CSMD3: variants seen among roughly 807,000 people sequenced by gnomAD.
CSMD3 encodes CUB and sushi domain-containing protein 3.
CSMD3 carries 177 observed loss-of-function variants against 435.2 expected under a neutral mutation model. The ratio of observed to expected loss-of-function variants is 0.41; its 90% CI spans 0.36 to 0.46. The LOEUF is 0.46. Ranked by LOEUF, CSMD3 falls within the 20% of genes least tolerant of loss-of-function variation. CSMD3 has a pLI of 0.34. For missense variants in CSMD3, 4,265 were observed against 4,504.6 expected (o/e 0.95, Z 1.52); for synonymous variants, 1,656 against 1,520.5 (o/e 1.09, Z -2.07).
Position 112,313,958 on chromosome 8 carries a change from C to T in CSMD3, c.7644G>A (p.Gln2548=), listed in dbSNP as rs1445108279. 1 of 1,612,158 alleles carries T rather than the reference C, an allele frequency of 6.2e-7. No individual in the cohort carries two copies. Among genetic ancestry groups the T allele is most frequent in the South Asian group, 1.1e-5 (1 of 91,056 alleles). The part of the protein sequence containing the change: ...ITSNGHEVFL[Q]WSADHGNNKK... ...TGTTATTGCCATGATCTGCTGACCA[C>T]TGAAGAAATACTTCATGACCATTGC... The change falls in exon 49 of 71, where the codon CAG becomes CAA. Residue 2548 remains glutamine (Q), a synonymous_variant. Coordinates refer to ENST00000297405, the MANE Select transcript of CSMD3 (RefSeq NM_198123.2).
chr8:112,494,563 CTTT>C (rs1563615777), intron 30 of CSMD3, among the ~76,000 whole-genome samples: 3 of 91,546 alleles, frequency 3.3e-5, no homozygotes, highest in Admixed American at 1.1e-4. Flanking sequence ...TTCTTTCTTT[CTTT>C]CTTTCTTTTC....
chr8:113,261,556 T>C (rs2093427413), intron 3 of CSMD3, among the ~76,000 whole-genome samples: 1 of 152,090 alleles, frequency 6.6e-6, no homozygotes, highest in Non-Finnish European at 1.5e-5. Context: ...GGAAGAGCTT[T>C]GCGTGTGTGG....
At chr8:113,312,665 G>T (rs1319948562) in intron 2 of CSMD3, 1 of 152,058 alleles carries the variant, frequency 6.6e-6, no homozygotes. Flanking sequence ...AATATTGAAA[G>T]AAGTATTTTT....
chr8:112,836,327 G>A (rs1458085607), intron 11 of CSMD3, among the ~76,000 whole-genome samples: 1 of 151,732 alleles, frequency 6.6e-6, no homozygotes, highest in Non-Finnish European at 1.5e-5. Context: ...GCCACCTTCC[G>A]TATTTACCCT....
chr8:112,765,532 T>C (rs2077956734), intron 13 of CSMD3, among the ~76,000 whole-genome samples: 1 of 151,640 alleles, frequency 6.6e-6, no homozygotes, highest in Non-Finnish European at 1.5e-5. Context: ...CAGGAGGTGA[T>C]TACATCGTTT....
At chr8:112,272,120 G>A (rs958398761) in intron 59 of CSMD3, among the ~76,000 whole-genome samples, 1 of 152,164 alleles carries the variant, frequency 6.6e-6, no homozygotes, top group African/African-American at 2.4e-5. Context: ...CCAGACACAG[G>A]ATCTGCTAGC....
chr8:113,259,154 G>A (rs1458000333), intron 3 of CSMD3, among the ~76,000 whole-genome samples: 1 of 152,010 alleles, frequency 6.6e-6, no homozygotes, highest in East Asian at 1.9e-4. Context: ...TGTGCCTTTG[G>A]CCATATAGCC....
At chr8:112,685,830 T>C in intron 14 of CSMD3, 98 bp from the exon 15 acceptor site, 1 of 770,020 alleles carries the variant, frequency 1.3e-6, no homozygotes, top group Admixed American at 2.3e-5. Context: ...CAATTAGCAG[T>C]ATAAGATAAT....
chr8:112,954,839 G>C (rs560715731), intron 7 of CSMD3, 78 bp from the exon 8 acceptor site: 1 of 885,698 alleles, frequency 1.1e-6, no homozygotes, highest in South Asian at 1.4e-5. Context: ...AATTTTGTTA[G>C]CATGGACTTA....
intron 10 of CSMD3, among the ~76,000 whole-genome samples, chr8:112,917,499 A>G (rs2082608077): frequency 6.6e-6 from 1 of 151,810 alleles, no homozygotes; most frequent in South Asian, 2.1e-4. Context: ...AACTTTTGGT[A>G]CAAGTTAAAA....
At chr8:112,364,332 G>A (rs1232802114) in intron 38 of CSMD3, among the ~76,000 whole-genome samples, 3 of 151,936 alleles carry the variant, frequency 2.0e-5, no homozygotes, top group Non-Finnish European at 4.4e-5. Flanking sequence ...TGTAGGGGAA[G>A]AGAAAATCTA....
chr8:113,042,295 CA>C (rs1179775522), intron 5 of CSMD3, among the ~76,000 whole-genome samples: 1 of 152,080 alleles, frequency 6.6e-6, no homozygotes, highest in Non-Finnish European at 1.5e-5. Context: ...AGTAGAATCA[CA>C]AATTAATTAG....
At chr8:113,129,258 T>C (rs1454310498) in intron 4 of CSMD3, among the ~76,000 whole-genome samples, 5 of 152,140 alleles carry the variant, frequency 3.3e-5, no homozygotes, top group Admixed American at 3.3e-4. Context: ...TTGGGGGATA[T>C]TCCCACCATT....
chr8:113,032,728 T>C (rs1348472537), intron 5 of CSMD3, among the ~76,000 whole-genome samples: 2 of 151,464 alleles, frequency 1.3e-5, no homozygotes, highest in Non-Finnish European at 3.0e-5. Context: ...GCATAAGTAA[T>C]GAGGAGCTGA....
chr8:112,286,334 T>C (rs1819197455), intron 58 of CSMD3, among the ~76,000 whole-genome samples: 1 of 152,092 alleles, frequency 6.6e-6, no homozygotes, highest in Non-Finnish European at 1.5e-5. Flanking sequence ...AAATAATATA[T>C]GGAAAATTCC....
chr8:113,314,870 G>C, intron 1 of CSMD3, 77 bp from the exon 2 acceptor site: 1 of 1,029,444 alleles, frequency 9.7e-7, no homozygotes. Context: ...TATTTTGAAA[G>C]TCTATTGCAT....
At chr8:112,832,682 A>T (rs1351554040) in intron 11 of CSMD3, among the ~76,000 whole-genome samples, 1 of 152,098 alleles carries the variant, frequency 6.6e-6, no homozygotes, top group South Asian at 2.1e-4. Flanking sequence ...TTCAAATGAG[A>T]TCACATCCCA....
At chr8:112,326,249 T>A (rs1354333896) in intron 45 of CSMD3, among the ~76,000 whole-genome samples, 1 of 152,186 alleles carries the variant, frequency 6.6e-6, no homozygotes, top group African/African-American at 2.4e-5. Context: ...ATTGTGCAGC[T>A]CTGCTTCTCT....
chr8:113,082,561 G>A (rs1236005732), intron 5 of CSMD3, among the ~76,000 whole-genome samples: 2 of 151,444 alleles, frequency 1.3e-5, no homozygotes, highest in Non-Finnish European at 2.9e-5. Flanking sequence ...ATCAATATAG[G>A]GTCATAAGAA....
Sources: gnomAD v4.1 joint callset for allele counts (sites outside exome capture counted in the v4.1 genomes callset) on GRCh38, gnomAD v4.1.1 for gene constraint, MANE v1.5 for transcripts, NCBI Gene and HGNC (gene_info 2026-07-23, HGNC 2026-07-21) for gene names.